Variants in SHANK2 observed in about 807,000 individuals in gnomAD.
SHANK2 encodes the protein SH3 and multiple ankyrin repeat domains 2.
A neutral mutation model predicts 133.7 loss-of-function variants in SHANK2; 43 were observed. That is an observed-to-expected ratio of 0.32 (90% CI 0.25 to 0.41). The LOEUF (loss-of-function observed/expected upper bound fraction) is 0.41. Ranked by LOEUF, SHANK2 falls within the 10% of genes least tolerant of loss-of-function variation. The pLI is 1.00. For missense variants in SHANK2, 1,994 were observed against 2,235.8 expected (o/e 0.89, Z 2.18); for synonymous variants, 1,017 against 952.8 (o/e 1.07, Z -1.24).
At chr11:70,676,404 C>A (rs1481620015) in intron 15 of SHANK2, among the ~76,000 whole-genome samples, 1 of 152,238 alleles carries the variant, frequency 6.6e-6, no homozygotes, top group Non-Finnish European at 1.5e-5. Flanking sequence ...GGTTGGGGAA[C>A]TGCTCCCTGG....
rs1555153149 is a variant in SHANK2 at position 70,485,907 on chromosome 11, G to A, written c.4386C>T (p.Ser1462=). 4.3e-6 allele frequency: 7 copies of A among 1,614,012 alleles called. No individual in the cohort carries two copies. The highest frequency in any genetic ancestry group is 3.3e-5 in the Admixed American group (2 of 60,006). ...NSSQPTNSAD[S]KKPASLSNCL... is the part of the protein sequence containing the mutation. ...AGTTTGAAAGACTGGCTGGCTTCTT[G>A]CTGTCTGCAGAGTTGGTTGGTTGGC... Residue 1462 remains serine, a synonymous_variant, in exon 25 of 26, where the codon AGC becomes AGT. Coordinates refer to ENST00000601538, the MANE Select transcript of SHANK2 (RefSeq NM_012309.5). The surrounding 1 kb of genome is among the most constrained non-coding windows in gnomAD (Gnocchi z 5.8).
intron 10 of SHANK2, among the ~76,000 whole-genome samples, chr11:70,907,162 T>C (rs1191516337): frequency 2.6e-5 from 4 of 152,140 alleles, no homozygotes; most frequent in African/African-American, 9.7e-5. Flanking sequence ...GTAGGAGCAG[T>C]TCCATGCTGG....
In SHANK2 at chr11:71,174,480, G is replaced by A. The variant is rs1311703108; in HGVS notation, c.-12-27142C>T. On this transcript the variant is annotated intron_variant, in intron 2 of 25. Coordinates refer to ENST00000601538, the MANE Select transcript of SHANK2 (RefSeq NM_012309.5). Reference sequence around the variant, plus strand: ...GCGGATCACGAGGTCAGGAGTTTGAGACCAGCTTGGCCAACATGGTGAAAC... The same window carrying A: ...GCGGATCACGAGGTCAGGAGTTTGAAACCAGCTTGGCCAACATGGTGAAAC... Among the ~76,000 whole-genome samples the A allele has an allele frequency of 3.3e-5, 5 of 151,980 alleles. No homozygotes were observed. The East Asian group carries it at 9.7e-4, about 29-fold the overall frequency.
At chr11:70,632,387 C>A (rs1336744580) in intron 17 of SHANK2, among the ~76,000 whole-genome samples, 1 of 152,004 alleles carries the variant, frequency 6.6e-6, no homozygotes, top group Non-Finnish European at 1.5e-5. Flanking sequence ...AGCCTCCCAA[C>A]TGGCGGACTT....
Position 71,090,442 on chromosome 11 carries a change from C to CGT in SHANK2, c.912+1978_912+1979dup, listed in dbSNP as rs1181678975. Among the ~76,000 whole-genome samples, 26 of 8,046 alleles carry CGT rather than the reference C, an allele frequency of 3.2e-3. 7 individuals are homozygous for CGT. The highest frequency in any genetic ancestry group is 5.2e-3 in the East Asian group (1 of 192). The allele number at this position is 8,046 out of a possible 152,430, so 5.3% of individuals were successfully genotyped here. ...GCCAGGGTTCTCCAGAGAAACACTA[C>CGT]GTGTGTGTGTGTGTGTGTGTGTGTG... On this transcript the variant is annotated intron_variant, in intron 8 of 25. Coordinates refer to ENST00000601538, the MANE Select transcript of SHANK2 (RefSeq NM_012309.5).
chr11:70,678,691 C>T lies in SHANK2; in HGVS notation c.1854-17013G>A, dbSNP rs192803884. On this transcript the variant is annotated intron_variant, in intron 15 of 25. Transcript: ENST00000601538. The stretch of plus-strand genomic sequence containing the variant: ...CCAAGTAGCTGGGACTATAGGTGTG[C>T]ACCACCACACCCAGCTAATTTTTGT... Among the ~76,000 whole-genome samples, 400 of 151,980 alleles carry T rather than the reference C, an allele frequency of 2.6e-3. 3 individuals carry two copies. Among genetic ancestry groups the T allele is most frequent in the African/African-American group, 9.0e-3 (372 of 41,442 alleles).
rs1946477908 is a variant in SHANK2, at chr11:70,739,555, GA to G, written c.1778-40793del. ...GACCTGTGGCTGCTGGGCTCCACCA[GA>G]TCATGTGATTTGTCTTGTTCTGGTT... On this transcript the variant is annotated intron_variant, in intron 14 of 25. Transcript: ENST00000601538. The surrounding 1 kb of genome is among the most constrained non-coding windows in gnomAD (Gnocchi z 4.3). 6.6e-6 allele frequency among the ~76,000 whole-genome samples: 1 copy of G among 152,160 alleles called. No homozygotes were observed. The highest frequency in any genetic ancestry group is 6.5e-5 in the Admixed American group (1 of 15,284).
At position 71,142,609 on chromosome 11, in the gene SHANK2, T is replaced by C. The variant is rs550730449; in HGVS notation, c.207+4511A>G. On this transcript the variant is annotated intron_variant, in intron 3 of 25. Coordinates refer to ENST00000601538, the MANE Select transcript of SHANK2 (RefSeq NM_012309.5). ...ACAGATATGAACAAGGAAAATCCAG[T>C]ATAGGAATTATTACTATCCCTGAAA... Among the ~76,000 whole-genome samples, 7 of 151,972 alleles carry C rather than the reference T, an allele frequency of 4.6e-5. No individual in the cohort carries two copies. The East Asian group carries it at 1.4e-3, about 29-fold the overall frequency.
intron 9 of SHANK2, among the ~76,000 whole-genome samples, chr11:71,069,110 C>T (rs1951108051): frequency 6.6e-6 from 1 of 151,650 alleles, no homozygotes; most frequent in South Asian, 2.1e-4. Context: ...TCATTATCAA[C>T]CACCACCATC....
intron 21 of SHANK2, chr11:70,495,816 G>A (rs1386528224): frequency 2.0e-5 from 4 of 195,264 alleles, no homozygotes; most frequent in Middle Eastern, 4.8e-4. Context: ...TCCAGGTGGC[G>A]AGCTCTGGGG....
intron 6 of SHANK2, among the ~76,000 whole-genome samples, chr11:71,108,067 C>T (rs918507847): frequency 3.3e-5 from 5 of 152,202 alleles, no homozygotes; most frequent in African/African-American, 1.2e-4. Context: ...AAGGCTGCCT[C>T]CAGGGAGAAT....
rs4128896 is a variant in SHANK2, at chr11:70,950,668, C to T, written c.1108-54101G>A. ...TGTGGCCCAGGCTGGAGTACAATGG[C>T]GTGATCTCTGCTCACTGCCACCTTT... is the stretch of plus-strand genomic sequence containing the variant. On this transcript the variant is annotated intron_variant, in intron 10 of 25. Coordinates refer to ENST00000601538, the MANE Select transcript of SHANK2 (RefSeq NM_012309.5). Among the ~76,000 whole-genome samples the T allele has an allele frequency of 5.7e-3, 869 of 151,952 alleles. 7 individuals carry two copies. The highest frequency in any genetic ancestry group is 0.014 in the Middle Eastern group (4 of 294).
At chr11:71,097,994 A>ATG (rs1488666034) in intron 6 of SHANK2, among the ~76,000 whole-genome samples, 6 of 144,338 alleles carry the variant, frequency 4.2e-5, no homozygotes, top group African/African-American at 1.6e-4. Context: ...GTGCATGTGC[A>ATG]TGCCTGTGTG....
At chr11:70,775,599 G>A (rs936588731) in intron 14 of SHANK2, among the ~76,000 whole-genome samples, 1 of 152,212 alleles carries the variant, frequency 6.6e-6, no homozygotes, top group Admixed American at 6.5e-5. Flanking sequence ...TCGCGGCCAT[G>A]TCCTCTTGGC....
At chr11:70,901,858 G>A (rs1950027459) in intron 10 of SHANK2, among the ~76,000 whole-genome samples, 1 of 152,194 alleles carries the variant, frequency 6.6e-6, no homozygotes, top group African/African-American at 2.4e-5. Context: ...CAAGATGGAT[G>A]TGTGGTGGGA....
intron 17 of SHANK2, among the ~76,000 whole-genome samples, chr11:70,583,825 G>A (rs188124519): frequency 7.2e-5 from 11 of 152,272 alleles, no homozygotes; most frequent in African/African-American, 2.4e-4. Flanking sequence ...ACGGTATAAC[G>A]TCTGCGGGCT....
At chr11:70,913,011 T>C (rs1555079295) in intron 10 of SHANK2, among the ~76,000 whole-genome samples, 1 of 151,854 alleles carries the variant, frequency 6.6e-6, no homozygotes, top group Non-Finnish European at 1.5e-5. Flanking sequence ...CTCAGGGAAC[T>C]GAACTACAGA....
intron 11 of SHANK2, among the ~76,000 whole-genome samples, chr11:70,843,492 T>G (rs114241764): frequency 2.0e-3 from 301 of 151,948 alleles, no homozygotes; most frequent in African/African-American, 6.8e-3. Flanking sequence ...TCCTTCACAG[T>G]GGTTAAGTTA....
intron 2 of SHANK2, among the ~76,000 whole-genome samples, chr11:71,199,614 G>A (rs976514227): frequency 1.3e-5 from 2 of 152,240 alleles, no homozygotes; most frequent in African/African-American, 4.8e-5. Flanking sequence ...CAGCCTCGAA[G>A]GGAGCATGCA....
Sources: allele counts gnomAD v4.1 joint callset (sites outside exome capture counted in the v4.1 genomes callset), GRCh38; gene constraint gnomAD v4.1.1; non-coding constraint Gnocchi (gnomAD v3.1); transcripts MANE v1.5; gene names NCBI Gene and HGNC (gene_info 2026-07-23, HGNC 2026-07-21).